The following CRTC3 variants were observed in gnomAD, a reference collection of about 807,000 sequenced individuals.
CRTC3 encodes CREB regulated transcription coactivator 3.
In CRTC3, 26 loss-of-function variants were observed where a neutral mutation model predicts 74.5. The ratio of observed to expected loss-of-function variants is 0.35; its 90% confidence interval spans 0.26 to 0.48. The LOEUF (loss-of-function observed/expected upper bound fraction) is 0.48, where lower values mean the gene tolerates loss of function less well. Ranked by LOEUF, CRTC3 falls within the 20% of genes least tolerant of loss-of-function variation. The pLI is 0.99. For synonymous variants in CRTC3, 377 were observed against 325.8 expected (o/e 1.16, Z -1.69); for missense variants, 760 against 787.3 (o/e 0.97, Z 0.41).
At chr15:90,551,154 G>T (rs1445279957) in intron 2 of CRTC3, among the ~76,000 whole-genome samples, 1 of 152,132 alleles carries the variant, frequency 6.6e-6, no homozygotes, top group Non-Finnish European at 1.5e-5. Flanking sequence ...GACTCATCTA[G>T]AAGTGATGAT....
chr15:90,546,817 G>T (rs1966845027), intron 2 of CRTC3, among the ~76,000 whole-genome samples: 1 of 152,096 alleles, frequency 6.6e-6, no homozygotes, highest in Non-Finnish European at 1.5e-5. Flanking sequence ...TAGAGACGGG[G>T]TTTCACTGTG....
At chr15:90,607,768 T>A (rs1010785693) in intron 6 of CRTC3, among the ~76,000 whole-genome samples, 5 of 152,212 alleles carry the variant, frequency 3.3e-5, no homozygotes, top group African/African-American at 7.2e-5. Flanking sequence ...GTCTCCTGAT[T>A]TCCAGTCTCA....
rs373321970 is a variant in CRTC3 at position 90,625,991 on chromosome 15, C to T, written c.965C>T (p.Ser322Phe). The T allele has an allele frequency of 5.5e-5, 88 of 1,612,948 alleles. No individual in the cohort carries two copies. The highest frequency in any genetic ancestry group is 7.0e-5 in the Non-Finnish European group (83 of 1,178,970). Residue 322 changes from serine to phenylalanine, a missense_variant and splice_region_variant, in exon 10 of 15, where the codon TCT becomes TTT. Physicochemically the swap from Ser to Phe is radical, Grantham distance 155. This residue lies in a region of CRTC3 where 652 missense variants were observed against 635.2 expected (regional missense o/e 1.03). Transcript: ENST00000268184. ...AMTHLGIRSS[S>F]GLQSSRSNPS... ...ACCCACCTGGGTATAAGAAGCTCCT[C>T]TGGTGAGTATCTCCTGCTTAGCAGT...
chr15:90,545,843 G>A (rs905944602), intron 2 of CRTC3, among the ~76,000 whole-genome samples: 5 of 152,238 alleles, frequency 3.3e-5, no homozygotes, highest in Admixed American at 6.5e-5. Flanking sequence ...CTCCCAAAGT[G>A]CTGGGATTAC....
In CRTC3 at chr15:90,597,275, T is replaced by A. The variant is rs1418433049; in HGVS notation, c.351+3520T>A. Among the ~76,000 whole-genome samples the A allele has an allele frequency of 2.0e-5, 3 of 152,354 alleles. No homozygotes were observed. The East Asian group carries it at 5.8e-4, about 29-fold the overall frequency. ...CATCAAGGTTGGCAGACGTGCCGTG[T>A]CCCAAACACCATTGCTAAACTTCTG... On this transcript the variant is annotated intron_variant, in intron 3 of 14. Coordinates refer to ENST00000268184, the MANE Select transcript of CRTC3 (RefSeq NM_022769.5).
At chr15:90,531,579 A>C (rs975277340) in intron 1 of CRTC3, among the ~76,000 whole-genome samples, 6 of 152,166 alleles carry the variant, frequency 3.9e-5, no homozygotes, top group African/African-American at 1.2e-4. Context: ...TGAAGATTTC[A>C]AGAAAATGTT....
chr15:90,630,536 C>T (rs933137449), intron 11 of CRTC3, among the ~76,000 whole-genome samples: 6 of 152,062 alleles, frequency 3.9e-5, no homozygotes, highest in Non-Finnish European at 8.8e-5. Flanking sequence ...CTCACTTGAG[C>T]CCAGGAGGTC....
At chr15:90,535,599 A>G (rs1322030355) in intron 1 of CRTC3, among the ~76,000 whole-genome samples, 1 of 152,122 alleles carries the variant, frequency 6.6e-6, no homozygotes, top group African/African-American at 2.4e-5. Context: ...TCAGCATATC[A>G]CCCTGGAGTG....
intron 2 of CRTC3, among the ~76,000 whole-genome samples, chr15:90,549,035 T>C (rs138401145): frequency 4.6e-5 from 7 of 152,372 alleles, no homozygotes; most frequent in Non-Finnish European, 5.9e-5. Context: ...AATGTAACAC[T>C]TGCTTATTAC....
At chr15:90,610,072 T>C (rs1042622713) in intron 6 of CRTC3, among the ~76,000 whole-genome samples, 1 of 152,144 alleles carries the variant, frequency 6.6e-6, no homozygotes. Flanking sequence ...ATTATTCAAG[T>C]CTCCAAGGAT....
chr15:90,602,838 A>G (rs574336051), intron 4 of CRTC3, among the ~76,000 whole-genome samples: 21 of 150,734 alleles, frequency 1.4e-4, no homozygotes, highest in South Asian at 1.0e-3. Context: ...GCTGGGCATG[A>G]CAGCACATGC....
At chr15:90,619,129 T>A (rs1474073713) in intron 8 of CRTC3, among the ~76,000 whole-genome samples, 1 of 152,248 alleles carries the variant, frequency 6.6e-6, no homozygotes, top group Non-Finnish European at 1.5e-5. Context: ...TTTCATTTCC[T>A]CTCAAGCCAA....
intron 2 of CRTC3, among the ~76,000 whole-genome samples, chr15:90,556,848 A>G (rs949050539): frequency 1.3e-5 from 2 of 151,872 alleles, no homozygotes; most frequent in Non-Finnish European, 2.9e-5. Context: ...TTCAATGACT[A>G]CTTTCTAATT....
chr15:90,618,599 T>TTAATC (rs1397740329), intron 8 of CRTC3, among the ~76,000 whole-genome samples: 1 of 152,228 alleles, frequency 6.6e-6, no homozygotes, highest in African/African-American at 2.4e-5. Flanking sequence ...AAGAAAACAG[T>TTAATC]TAATCTGTTC....
At chr15:90,531,612 C>G (rs936616046) in intron 1 of CRTC3, among the ~76,000 whole-genome samples, 2 of 152,192 alleles carry the variant, frequency 1.3e-5, no homozygotes, top group Non-Finnish European at 2.9e-5. Flanking sequence ...ATCAGCTTCA[C>G]TCATTTTTTA....
intron 2 of CRTC3, among the ~76,000 whole-genome samples, chr15:90,545,772 G>T (rs1052356855): frequency 6.6e-6 from 1 of 152,016 alleles, no homozygotes; most frequent in Non-Finnish European, 1.5e-5. Context: ...TAGAGACGGG[G>T]TTTCACTGTG....
At chr15:90,534,750 A>G (rs1359967810) in intron 1 of CRTC3, among the ~76,000 whole-genome samples, 1 of 152,204 alleles carries the variant, frequency 6.6e-6, no homozygotes, top group East Asian at 1.9e-4. Context: ...TGTGGTCTTC[A>G]GTTTGCCACA....
rs2286288 is a variant in CRTC3 at position 90,641,972 on chromosome 15, G to T, written c.1692G>T (p.Ala564=). ...STSLFKDLNS[A]LAGLPEVSLN... ...GCCTGTTCAAAGACCTCAACAGTGC[G>T]CTGGCAGGCCTGCCTGAGGTCAGCC... Residue 564 remains alanine (A), a synonymous_variant, in exon 15 of 15, where the codon GCG becomes GCT. Transcript: ENST00000268184. 4 of 1,613,624 alleles carry T rather than the reference G, an allele frequency of 2.5e-6. No homozygotes were observed. The highest frequency in any genetic ancestry group is 3.4e-6 in the Non-Finnish European group (4 of 1,179,926).
Position 90,641,213 on chromosome 15 carries a change from C to G in CRTC3, c.1651+14C>G. 1.3e-6 allele frequency: 2 copies of G among 1,534,194 alleles called. No homozygotes were observed. Among genetic ancestry groups the G allele is most frequent in the Non-Finnish European group, 1.8e-6 (2 of 1,107,906 alleles). ...CCATCCTGCCAGGTGAGCGAGCTATCCCTCAGCTTCTTTACTGCTTTTATG... is the reference window on the plus strand; with the variant it reads ...CCATCCTGCCAGGTGAGCGAGCTATGCCTCAGCTTCTTTACTGCTTTTATG... On this transcript the variant is annotated intron_variant, in intron 14 of 14. Coordinates refer to ENST00000268184, the MANE Select transcript of CRTC3 (RefSeq NM_022769.5).
Sources: gnomAD v4.1 joint callset for allele counts (sites outside exome capture counted in the v4.1 genomes callset) on GRCh38, gnomAD v4.1.1 for gene constraint, gnomAD v4.1.1 regional missense constraint, MANE v1.5 for transcripts, NCBI Gene and HGNC (gene_info 2026-07-23, HGNC 2026-07-21) for gene names.